The following ZNF492 variants were observed in gnomAD, a reference collection of about 807,000 sequenced individuals.
The protein encoded by ZNF492 is zinc finger protein 492.
A neutral mutation model predicts 6.4 loss-of-function variants in ZNF492; 3 were observed. That is an observed-to-expected ratio of 0.47 (90% CI 0.21 to 1.22). The LOEUF (loss-of-function observed/expected upper bound fraction) is 1.22. ZNF492 is among the 50% of genes most tolerant of loss of function. ZNF492 has a pLI of 0.22. For missense variants in ZNF492, 356 were observed against 612.5 expected (o/e 0.58, Z 4.42); for synonymous variants, 112 against 205.3 (o/e 0.55, Z 3.89).
chr19:22,638,778 T>C (rs1213231981), intron 1 of ZNF492, among the ~76,000 whole-genome samples: 1 of 152,196 alleles, frequency 6.6e-6, no homozygotes, highest in Non-Finnish European at 1.5e-5. Flanking sequence ...GGTAGTTTGA[T>C]AAAAATAGCA....
intron 3 of ZNF492, among the ~76,000 whole-genome samples, chr19:22,657,167 G>A (rs1196902239): frequency 6.6e-6 from 1 of 152,012 alleles, no homozygotes; most frequent in East Asian, 1.9e-4. Flanking sequence ...AAGTGAATTA[G>A]GTAATTAGTA....
In ZNF492 at chr19:22,665,248, T is replaced by C; in HGVS notation, c.1579T>C (p.Cys527Arg). ...IAKISKYKRN[C>R]AGEK ...AAAGATTTCCAAATATAAAAGAAAT[T>C]GTGCTGGTGAGAAATAATAGAAATA... Residue 527 changes from cysteine to arginine, a missense_variant, in exon 4 of 4, where the codon TGT (cysteine) becomes CGT (arginine). By Grantham distance (180) the Cys-to-Arg change is radical (BLOSUM62 -3). This residue lies in a region of ZNF492 where 81 missense variants were observed against 115.4 expected (regional missense o/e 0.70). Transcript: ENST00000456783. The C allele has an allele frequency of 6.4e-7, 1 of 1,574,182 alleles. No homozygotes were observed. The highest frequency in any genetic ancestry group is 1.7e-4 in the Middle Eastern group (1 of 5,922).
intron 1 of ZNF492, among the ~76,000 whole-genome samples, chr19:22,636,082 T>C (rs930045492): frequency 6.6e-6 from 1 of 151,592 alleles, no homozygotes; most frequent in African/African-American, 2.4e-5. Context: ...CGTGTTCTTA[T>C]TATTCAGCTC....
In ZNF492 at chr19:22,666,688, C is replaced by G. The variant is rs1599405843; in HGVS notation, c.*1423C>G. 2.0e-5 allele frequency: 3 copies of G among 151,862 alleles called. No homozygotes were observed. In the East Asian group the frequency reaches 5.8e-4, roughly 29 times the overall value. The allele number at this position is 151,862 out of a possible 1,614,324, so 9.4% of individuals were successfully genotyped here. A position where few individuals can be genotyped will look rare whatever the true frequency, so the allele number is the denominator to read the frequency against. On this transcript the variant is annotated 3_prime_UTR_variant, in exon 4 of 4. Coordinates refer to ENST00000456783, the MANE Select transcript of ZNF492 (RefSeq NM_020855.3). ...CTGAGTGATGCATGAGGTAGGTGTTCTGAGTAATATTCTGCATTATATTGA... is the reference window on the plus strand; with the variant it reads ...CTGAGTGATGCATGAGGTAGGTGTTGTGAGTAATATTCTGCATTATATTGA...
intron 1 of ZNF492, among the ~76,000 whole-genome samples, chr19:22,650,129 T>C (rs1971924493): frequency 6.6e-6 from 1 of 152,228 alleles, no homozygotes; most frequent in African/African-American, 2.4e-5. Context: ...TTTTTGTTGC[T>C]GTTGTTCATT....
In ZNF492 at chr19:22,663,908, A is replaced by G; in HGVS notation, c.239A>G (p.Gln80Arg). ...AAAAAATGTGGATGTGAAAATTTAC[A>G]GTTAAGAAAATACTGTAAAAGCATG... ...RYKKCGCENL[Q>R]LRKYCKSMDE... Residue 80 changes from glutamine to arginine, a missense_variant, in exon 4 of 4, where the codon CAG becomes CGG. By Grantham distance (43) the Gln-to-Arg change is conservative. This residue lies in a region of ZNF492 where 196 missense variants were observed against 219.4 expected (regional missense o/e 0.89). Coordinates refer to ENST00000456783, the MANE Select transcript of ZNF492 (RefSeq NM_020855.3). 2 of 1,596,694 alleles carry G rather than the reference A, an allele frequency of 1.3e-6. No individual in the cohort carries two copies. The highest frequency in any genetic ancestry group is 1.7e-6 in the Non-Finnish European group (2 of 1,173,408).
chr19:22,644,330 A>G (rs796235916), intron 1 of ZNF492, among the ~76,000 whole-genome samples: 14 of 152,304 alleles, frequency 9.2e-5, no homozygotes, highest in Admixed American at 2.6e-4. Context: ...TATGTGTGCC[A>G]CAGTGGTTTG....
At chr19:22,662,439 G>T (rs554342218) in intron 3 of ZNF492, among the ~76,000 whole-genome samples, 1 of 152,220 alleles carries the variant, frequency 6.6e-6, no homozygotes, top group African/African-American at 2.4e-5. Flanking sequence ...AATCCTTTGG[G>T]TATATACCCA....
intron 1 of ZNF492, among the ~76,000 whole-genome samples, chr19:22,634,677 T>C (rs1480964987): frequency 6.6e-6 from 1 of 152,108 alleles, no homozygotes; most frequent in Non-Finnish European, 1.5e-5. Flanking sequence ...GCGTCCTGTC[T>C]CTTCCCTGCG....
At chr19:22,636,797 C>A (rs184084148) in intron 1 of ZNF492, among the ~76,000 whole-genome samples, 1 of 144,240 alleles carries the variant, frequency 6.9e-6, no homozygotes, top group Admixed American at 6.9e-5. Context: ...CCACGCCCAG[C>A]TAATTTTTGT....
chr19:22,641,943 G>A (rs1174819148), intron 1 of ZNF492, among the ~76,000 whole-genome samples: 1 of 151,932 alleles, frequency 6.6e-6, no homozygotes, highest in Non-Finnish European at 1.5e-5. Flanking sequence ...ACAGGCGCCT[G>A]CCACCATGCC....
At chr19:22,657,121 T>G (rs570522122) in intron 3 of ZNF492, among the ~76,000 whole-genome samples, 2 of 152,206 alleles carry the variant, frequency 1.3e-5, no homozygotes, top group Non-Finnish European at 2.9e-5. Flanking sequence ...ATTTAGACAT[T>G]TAGGACAATA....
intron 1 of ZNF492, among the ~76,000 whole-genome samples, chr19:22,649,956 A>T (rs562778691): frequency 7.9e-5 from 12 of 152,168 alleles, no homozygotes; most frequent in East Asian, 5.8e-4. Flanking sequence ...CAATTTGTCT[A>T]TCTCATTCTC....
chr19:22,655,810 CTTG>C (rs1298756479), intron 3 of ZNF492, among the ~76,000 whole-genome samples: 1,031 of 59,300 alleles, frequency 0.017, 173 homozygotes, highest in African/African-American at 0.07. Flanking sequence ...TCAAGTTTTT[CTTG>C]TTGTTTTTTT....
chr19:22,665,474 A>T lies in ZNF492; in HGVS notation c.*209A>T. The stretch of plus-strand genomic sequence containing the variant: ...GTAAAAAAGTGATTAATATCTGTGC[A>T]CATCTTATTCAACATCAGAGTTTAT... On this transcript the variant is annotated 3_prime_UTR_variant, in exon 4 of 4. Transcript: ENST00000456783. 9.6e-7 allele frequency: 1 copy of T among 1,036,910 alleles called. No individual in the cohort carries two copies. Among genetic ancestry groups the T allele is most frequent in the Non-Finnish European group, 1.3e-6 (1 of 743,310 alleles). 64.2% of individuals were successfully genotyped at this position (1,036,910 alleles called of 1,614,324 possible).
intron 1 of ZNF492, among the ~76,000 whole-genome samples, chr19:22,641,983 C>T (rs1383841813): frequency 2.6e-5 from 4 of 152,076 alleles, no homozygotes; most frequent in South Asian, 2.1e-4. Context: ...TTAGTACAGA[C>T]GGGGTTTCAC....
At position 22,664,669 on chromosome 19, in the gene ZNF492, G is replaced by A; in HGVS notation, c.1000G>A (p.Glu334Lys). Residue 334 changes from glutamate (E) to lysine (K), a missense_variant, in exon 4 of 4, where the codon GAG (glutamate) becomes AAG (lysine). By Grantham distance (56) the Glu-to-Lys change is moderately conservative. Coordinates refer to ENST00000456783, the MANE Select transcript of ZNF492 (RefSeq NM_020855.3). ...LTTHKRIHSG[E>K]KPYKCEECGK... ...TACACATAAGAGAATTCATTCTGGAGAGAAACCCTACAAGTGTGAAGAATG... is the reference window on the plus strand; with the variant it reads ...TACACATAAGAGAATTCATTCTGGAAAGAAACCCTACAAGTGTGAAGAATG... The A allele has an allele frequency of 6.2e-7, 1 of 1,611,070 alleles. No individual in the cohort carries two copies. The highest frequency in any genetic ancestry group is 8.5e-7 in the Non-Finnish European group (1 of 1,178,246).
Position 22,636,584 on chromosome 19 carries a change from A to T in ZNF492, c.-94+2110A>T, listed in dbSNP as rs1194429835. On this transcript the variant is annotated intron_variant, in intron 1 of 3. Transcript: ENST00000456783. ...TGTGTGTATGTGTGTTTTAACGGCCACACAGTATTCCGTGATATTTATCTA... is the reference window on the plus strand; with the variant it reads ...TGTGTGTATGTGTGTTTTAACGGCCTCACAGTATTCCGTGATATTTATCTA... 2.7e-5 allele frequency among the ~76,000 whole-genome samples: 4 copies of T among 149,356 alleles called. No homozygotes were observed. The East Asian group carries it at 5.9e-4, about 22-fold the overall frequency.
chr19:22,644,842 C>T (rs778772645), intron 1 of ZNF492, among the ~76,000 whole-genome samples: 1 of 152,190 alleles, frequency 6.6e-6, no homozygotes, highest in African/African-American at 2.4e-5. Context: ...CACATTCTCA[C>T]CAACAGTGTA....
Sources: gnomAD v4.1 joint callset for allele counts (sites outside exome capture counted in the v4.1 genomes callset) on GRCh38, gnomAD v4.1.1 for gene constraint, gnomAD v4.1.1 regional missense constraint, MANE v1.5 for transcripts, NCBI Gene and HGNC (gene_info 2026-07-23, HGNC 2026-07-21) for gene names.